Variants in TUSC3 observed in about 807,000 individuals in gnomAD.
TUSC3 encodes dolichyl-diphosphooligosaccharide--protein glycosyltransferase subunit TUSC3.
A neutral mutation model predicts 44.8 loss-of-function variants in TUSC3; 45 were observed. That is an observed-to-expected ratio of 1.00 (90% CI 0.79 to 1.29). The LOEUF (loss-of-function observed/expected upper bound fraction) is 1.29. TUSC3 is among the 50% of genes most tolerant of loss of function. The pLI is 0.00. For missense variants in TUSC3, 519 were observed against 437.9 expected, an observed-to-expected ratio of 1.19 and a Z score of -1.65; for synonymous variants, 212 against 152.9, an observed-to-expected ratio of 1.39 and a Z score of -2.85.
intron 6 of TUSC3, among the ~76,000 whole-genome samples, chr8:15,690,582 A>C (rs1244348459): frequency 6.6e-6 from 1 of 152,100 alleles, no homozygotes; most frequent in East Asian, 1.9e-4. Context: ...GCCAGATCCC[A>C]TCTCCAGAAT....
chr8:15,463,314 G>A (rs1003916733), intron 1 of TUSC3, among the ~76,000 whole-genome samples: 25 of 152,070 alleles, frequency 1.6e-4, no homozygotes, highest in Admixed American at 9.2e-4. Flanking sequence ...AGAGGAGTCC[G>A]TCATCACTAT....
chr8:15,835,522 T>G, the TUSC3 span, among the ~76,000 whole-genome samples: 1 of 152,188 alleles, frequency 6.6e-6, no homozygotes, highest in Non-Finnish European at 1.5e-5. Flanking sequence ...TAATTTTAAT[T>G]TCTTTGAAGA....
intron 2 of TUSC3, among the ~76,000 whole-genome samples, chr8:15,492,351 G>A (rs1800820493): frequency 6.6e-6 from 1 of 151,950 alleles, no homozygotes; most frequent in African/African-American, 2.4e-5. Flanking sequence ...TTAACCTCTT[G>A]GTATTAATAT....
At chr8:15,613,536 G>A (rs149096124) in intron 1 of TUSC3, among the ~76,000 whole-genome samples, 1 of 152,084 alleles carries the variant, frequency 6.6e-6, no homozygotes, top group Non-Finnish European at 1.5e-5. Context: ...TGTACATGCT[G>A]TCTCTTGCCT....
intron 4 of TUSC3, among the ~76,000 whole-genome samples, chr8:15,660,876 T>C (rs957182259): frequency 6.7e-6 from 1 of 149,098 alleles, no homozygotes; most frequent in Non-Finnish European, 1.5e-5. Flanking sequence ...CCTAGCAGAC[T>C]TTACGCATTT....
chr8:15,844,150 T>C, the TUSC3 span, among the ~76,000 whole-genome samples: 1 of 152,038 alleles, frequency 6.6e-6, no homozygotes, highest in Non-Finnish European at 1.5e-5. Flanking sequence ...TGACAAACAA[T>C]TTTAATGAAG....
At chr8:15,827,491 T>C in the TUSC3 span, among the ~76,000 whole-genome samples, 5 of 152,152 alleles carry the variant, frequency 3.3e-5, no homozygotes, top group East Asian at 9.6e-4. Flanking sequence ...AAATTTCTCA[T>C]TATTATACAA....
At chr8:15,691,804 A>AGC (rs72120495) in intron 6 of TUSC3, among the ~76,000 whole-genome samples, 3 of 2,998 alleles carry the variant, frequency 1.0e-3, no homozygotes, top group Non-Finnish European at 2.9e-3. Context: ...GTTTTGAGAC[A>AGC]GTCTCGCTCT....
At chr8:15,699,223 C>G (rs1457800781) in intron 6 of TUSC3, among the ~76,000 whole-genome samples, 2 of 151,274 alleles carry the variant, frequency 1.3e-5, no homozygotes, top group African/African-American at 4.9e-5. Context: ...TTAACTGTAA[C>G]AACTATTCAG....
At position 15,722,688 on chromosome 8, in the gene TUSC3, A is replaced by G. The variant is rs1178574984; in HGVS notation, c.799-7978A>G. 3.9e-5 allele frequency among the ~76,000 whole-genome samples: 6 copies of G among 152,210 alleles called. No individual in the cohort carries two copies. In the East Asian group the frequency reaches 1.2e-3, roughly 29 times the overall value. On this transcript the variant is annotated intron_variant, in intron 6 of 10. Transcript: ENST00000503731. ...TGGGTGCAACTTGCCACAGCTCTCT[A>G]TATGACTTCTGTCTGTAGAGCTCTG...
chr8:15,450,845 C>G (rs1478559496), intron 1 of TUSC3, among the ~76,000 whole-genome samples: 1 of 152,064 alleles, frequency 6.6e-6, no homozygotes, highest in African/African-American at 2.4e-5. Context: ...TTCATAGAAC[C>G]TCCAGAGGAC....
chr8:15,522,271 C>T (rs1277972478), intron 2 of TUSC3, among the ~76,000 whole-genome samples: 3 of 151,422 alleles, frequency 2.0e-5, no homozygotes, highest in African/African-American at 7.3e-5. Flanking sequence ...CTTGCTCTAT[C>T]GCCCATGCTG....
At chr8:15,621,195 T>G (rs1439947064) in intron 1 of TUSC3, among the ~76,000 whole-genome samples, 1 of 151,814 alleles carries the variant, frequency 6.6e-6, no homozygotes. Context: ...TCTTATTATT[T>G]TAAAATGTTT....
At chr8:15,514,531 C>A (rs1395791380) in intron 2 of TUSC3, among the ~76,000 whole-genome samples, 1 of 152,140 alleles carries the variant, frequency 6.6e-6, no homozygotes, top group African/African-American at 2.4e-5. Context: ...TACAATCATG[C>A]TGAAAACGGA....
chr8:15,780,337 A>T, the TUSC3 span, among the ~76,000 whole-genome samples: 3 of 152,106 alleles, frequency 2.0e-5, no homozygotes, highest in African/African-American at 7.2e-5. Flanking sequence ...TGAGGGGAGG[A>T]GAGTTTGGGC....
At chr8:15,738,829 T>C (rs1181176340) in intron 7 of TUSC3, among the ~76,000 whole-genome samples, 2 of 117,736 alleles carry the variant, frequency 1.7e-5, no homozygotes, top group East Asian at 2.6e-4. Context: ...ATATCTTGCT[T>C]TTTTTTTTTT....
At chr8:15,706,115 T>G (rs1809605890) in intron 6 of TUSC3, among the ~76,000 whole-genome samples, 1 of 152,024 alleles carries the variant, frequency 6.6e-6, no homozygotes, top group Non-Finnish European at 1.5e-5. Context: ...GGGTGTTAAC[T>G]CCTATTGTCT....
chr8:15,646,265 C>G (rs148998534), intron 2 of TUSC3, among the ~76,000 whole-genome samples: 3 of 152,152 alleles, frequency 2.0e-5, no homozygotes, highest in African/African-American at 7.2e-5. Flanking sequence ...ATAGTATGTT[C>G]GTGAAACACA....
intron 1 of TUSC3, among the ~76,000 whole-genome samples, chr8:15,581,607 G>C (rs146163791): frequency 0.086 from 12,856 of 149,290 alleles, 699 homozygotes; most frequent in Middle Eastern, 0.15. Flanking sequence ...CCTGCTGCGG[G>C]GTGCCTCCCA....
Sources: gnomAD v4.1 joint callset for allele counts (sites outside exome capture counted in the v4.1 genomes callset) on GRCh38, gnomAD v4.1.1 for gene constraint, MANE v1.5 for transcripts, NCBI Gene and HGNC (gene_info 2026-07-23, HGNC 2026-07-21) for gene names.